SACS: variants seen among roughly 807,000 people sequenced by gnomAD.
SACS encodes the protein sacsin molecular chaperone.
In SACS, 197 loss-of-function variants were observed where a neutral mutation model predicts 348.0. The ratio of observed to expected loss-of-function variants is 0.57; its 90% confidence interval spans 0.50 to 0.64. The LOEUF is 0.64. Among genes scored for constraint, SACS ranks in the 30% least tolerant of loss-of-function variants. SACS has a pLI of 0.00. For synonymous variants in SACS, 1,985 were observed against 1,910.6 expected (o/e 1.04, Z -1.02); for missense variants, 4,999 against 5,360.8 (o/e 0.93, Z 2.11).
chr13:23,338,391 C>A lies in SACS; in HGVS notation c.5485G>T (p.Ala1829Ser), dbSNP rs1868863461. The change falls in exon 10 of 10, where the codon GCT becomes TCT. Residue 1829 changes from alanine (A) to serine (S), a missense_variant. Ala to Ser is a moderately conservative substitution (Grantham distance 99). Around this residue, in one of 6 missense-constraint regions of SACS, gnomAD observed 3,156 missense variants for 3,380.1 expected, o/e 0.93. Coordinates refer to ENST00000382292, the MANE Select transcript of SACS (RefSeq NM_014363.6). ...LLCTCMDTGE[A>S]LKFSLSESGR... ...CTCTCACTCAGGGAAAACTTCAGAG[C>A]CTCTCCTGTGTCCATGCAAGTACAC... 1.9e-6 allele frequency: 3 copies of A among 1,614,048 alleles called. No individual in the cohort carries two copies. The highest frequency in any genetic ancestry group is 3.3e-5 in the Admixed American group (2 of 60,014).
At chr13:23,360,986 C>A (rs1290992327) in intron 6 of SACS, among the ~76,000 whole-genome samples, 2 of 152,102 alleles carry the variant, frequency 1.3e-5, no homozygotes, top group Admixed American at 1.3e-4. Context: ...AACTCCTGAC[C>A]TCAGGTGATC....
intron 2 of SACS, among the ~76,000 whole-genome samples, chr13:23,404,834 T>C (rs1285817803): frequency 6.6e-6 from 1 of 152,052 alleles, no homozygotes; most frequent in East Asian, 1.9e-4. Context: ...ATAAAATACC[T>C]AAGAATACAC....
At chr13:23,416,276 A>G (rs1414023608) in intron 1 of SACS, among the ~76,000 whole-genome samples, 1 of 137,576 alleles carries the variant, frequency 7.3e-6, no homozygotes, top group Non-Finnish European at 1.7e-5. Context: ...AGCCGACTCC[A>G]TCTCAAAAAA....
Position 23,330,063 on chromosome 13 carries a change from A to G in SACS, c.*73T>C. The G allele has an allele frequency of 3.7e-6, 5 of 1,336,538 alleles. No homozygotes were observed. The highest frequency in any genetic ancestry group is 5.3e-6 in the Non-Finnish European group (5 of 945,578). The allele number at this position is 1,336,538 out of a possible 1,614,324, so 82.8% of individuals were successfully genotyped here. On this transcript the variant is annotated 3_prime_UTR_variant, in exon 10 of 10. Coordinates refer to ENST00000382292, the MANE Select transcript of SACS (RefSeq NM_014363.6). ...ACAATTCCTAGCTAATTGGCAATGA[A>G]GCTTAATGAAGTACAGCAATTTATT...
chr13:23,352,462 G>A (rs569034314), intron 9 of SACS, among the ~76,000 whole-genome samples: 36 of 152,282 alleles, frequency 2.4e-4, no homozygotes, highest in African/African-American at 8.2e-4. Flanking sequence ...GCAAGAGAGG[G>A]GCTTTTGGGG....
intron 2 of SACS, among the ~76,000 whole-genome samples, chr13:23,387,197 C>A (rs1000492137): frequency 6.6e-6 from 1 of 151,950 alleles, no homozygotes; most frequent in African/African-American, 2.4e-5. Context: ...CGGTGGCTCA[C>A]GCCTGTAATC....
chr13:23,344,187 G>T (rs974564406), intron 9 of SACS, among the ~76,000 whole-genome samples: 1 of 151,866 alleles, frequency 6.6e-6, no homozygotes, highest in African/African-American at 2.4e-5. Context: ...ACAAAAAAAG[G>T]GTTAGAAATT....
rs1248031379 is a variant in SACS at position 23,340,175 on chromosome 13, C to T, written c.3701G>A (p.Trp1234Ter). 1.2e-6 allele frequency: 2 copies of T among 1,612,288 alleles called. No individual in the cohort carries two copies. Among genetic ancestry groups the T allele is most frequent in the Admixed American group, 1.7e-5 (1 of 59,840 alleles). ...ATCACTAAAGGTTTTTGAAGAATAC[C>T]AATCAACAACAATTTTAAAGTGTTT... ...VLKHFKIVVD[W>*]YSSKTFSDED... The change falls in exon 10 of 10, where the codon TGG becomes TAG. Residue 1234 changes from tryptophan (W) to a stop codon, truncating the protein, a stop_gained. Transcript: ENST00000382292. LOFTEE classifies it high-confidence loss of function.
Position 23,334,451 on chromosome 13 carries a change from T to C in SACS, c.9425A>G (p.Asp3142Gly). 6.2e-7 allele frequency: 1 copy of C among 1,612,610 alleles called. No individual in the cohort carries two copies. Among genetic ancestry groups the C allele is most frequent in the Non-Finnish European group, 8.5e-7 (1 of 1,179,736 alleles). Residue 3142 changes from aspartate (D) to glycine (G), a missense_variant, in exon 10 of 10, where the codon GAT becomes GGT. Asp to Gly is a moderately conservative substitution (Grantham distance 94, BLOSUM62 -1). This residue lies in a region of SACS where 734 missense variants were observed against 694.0 expected (regional missense o/e 1.06). Coordinates refer to ENST00000382292, the MANE Select transcript of SACS (RefSeq NM_014363.6). ...LKLLVDYCFK[D>G]AEENEIEVEG... ...AACTTCAATCTCATTTTCTTCTGCA[T>C]CTTTAAAACAATAATCAACTAAAAG...
chr13:23,422,478 T>A (rs956002293), intron 1 of SACS, among the ~76,000 whole-genome samples: 5 of 152,376 alleles, frequency 3.3e-5, no homozygotes, highest in Non-Finnish European at 7.3e-5. Context: ...AGCTTTGTTA[T>A]GTGGTATTTC....
Position 23,339,807 on chromosome 13 carries a change from G to A in SACS, c.4069C>T (p.His1357Tyr). Reference protein sequence around the residue: ...LSEQESKQNLHLMLNIIRWLY... With the variant: ...LSEQESKQNLYLMLNIIRWLY... ...CATCTGATAATATTCAACATAAGAT[G>A]AAGATTTTGTTTGCTTTCTTGTTCA... Residue 1357 changes from histidine (H) to tyrosine (Y), a missense_variant, in exon 10 of 10, where the codon CAT (histidine) becomes TAT (tyrosine). Transcript: ENST00000382292. The A allele has an allele frequency of 6.2e-7, 1 of 1,613,244 alleles. No individual in the cohort carries two copies.
intron 2 of SACS, among the ~76,000 whole-genome samples, chr13:23,401,045 T>C (rs539107961): frequency 3.7e-4 from 57 of 152,272 alleles, no homozygotes; most frequent in African/African-American, 1.3e-3. Context: ...ATATTATTAA[T>C]ATAAATATTT....
At chr13:23,361,956 T>G (rs1250974825) in intron 6 of SACS, among the ~76,000 whole-genome samples, 1 of 152,164 alleles carries the variant, frequency 6.6e-6, no homozygotes, top group East Asian at 1.9e-4. Context: ...ATGACAGACC[T>G]CTAGGCAAGC....
rs1403606616 is a variant in SACS, at chr13:23,330,511, T to C, written c.13365A>G (p.Arg4455=). ...VEARRWLRQA[R]ANFSAARNDL... ...CATTCCTGGCAGCTGAGAAGTTTGC[T>C]CTGGCTTGTCTTAGCCATCTGCGTG... The change falls in exon 10 of 10, where the codon AGA becomes AGG. Residue 4455 remains arginine, a synonymous_variant. Transcript: ENST00000382292. 2 of 1,614,088 alleles carry C rather than the reference T, an allele frequency of 1.2e-6. No individual in the cohort carries two copies. Among genetic ancestry groups the C allele is most frequent in the Admixed American group, 3.3e-5 (2 of 60,008 alleles).
intron 2 of SACS, among the ~76,000 whole-genome samples, chr13:23,404,152 G>A (rs1362747588): frequency 6.6e-6 from 1 of 152,138 alleles, no homozygotes; most frequent in East Asian, 1.9e-4. Flanking sequence ...GCTGAGGAGT[G>A]TTTCACTTCC....
chr13:23,396,603 T>C (rs765416497), intron 2 of SACS, among the ~76,000 whole-genome samples: 3 of 152,172 alleles, frequency 2.0e-5, no homozygotes, highest in Non-Finnish European at 2.9e-5. Context: ...TAAGTAAAGA[T>C]GCAGTAAAAA....
chr13:23,386,812 C>G (rs1441947711), intron 2 of SACS, among the ~76,000 whole-genome samples: 3 of 152,060 alleles, frequency 2.0e-5, no homozygotes, highest in Non-Finnish European at 2.9e-5. Flanking sequence ...TATAGGGTTA[C>G]TAGTTGGCCT....
intron 6 of SACS, among the ~76,000 whole-genome samples, chr13:23,363,990 T>A (rs9510705): frequency 0.086 from 13,040 of 152,192 alleles, 774 homozygotes; most frequent in Middle Eastern, 0.15. Flanking sequence ...ATAAAAATGA[T>A]CTGACCTCTG....
intron 3 of SACS, among the ~76,000 whole-genome samples, chr13:23,371,410 T>C (rs1041908310): frequency 6.6e-6 from 1 of 152,318 alleles, no homozygotes; most frequent in African/African-American, 2.4e-5. Context: ...TATTTCTCCA[T>C]TAACATAATT....
Sources: allele counts gnomAD v4.1 joint callset (sites outside exome capture counted in the v4.1 genomes callset), GRCh38; gene constraint gnomAD v4.1.1; regional missense constraint gnomAD v4.1.1; transcripts MANE v1.5; gene names NCBI Gene and HGNC (gene_info 2026-07-23, HGNC 2026-07-21).